GRM7: variants seen among roughly 807,000 people sequenced by gnomAD.
GRM7 encodes the protein metabotropic glutamate receptor 7.
In GRM7, 35 loss-of-function variants were observed where a neutral mutation model predicts 84.5. The ratio of observed to expected loss-of-function variants is 0.41; its 90% confidence interval spans 0.32 to 0.55. The LOEUF (loss-of-function observed/expected upper bound fraction) is 0.55, where lower values mean the gene tolerates loss of function less well. GRM7 is among the 20% of genes least tolerant of loss of function. The pLI is 0.19. For synonymous variants in GRM7, 487 were observed against 455.1 expected (o/e 1.07, Z -0.89); for missense variants, 1,003 against 1,194.6 (o/e 0.84, Z 2.36).
At chr3:7,332,443 C>A (rs1035550355) in intron 4 of GRM7, among the ~76,000 whole-genome samples, 1 of 152,118 alleles carries the variant, frequency 6.6e-6, no homozygotes, top group Non-Finnish European at 1.5e-5. Flanking sequence ...CATATCAAAT[C>A]GTTTTTCCAA....
At chr3:7,147,204 C>A (rs570890964) in intron 2 of GRM7, among the ~76,000 whole-genome samples, 1 of 152,162 alleles carries the variant, frequency 6.6e-6, no homozygotes, top group Non-Finnish European at 1.5e-5. Flanking sequence ...TGAGAGAGTT[C>A]TCTTCAGCAG....
chr3:7,367,882 C>T (rs537600274), intron 4 of GRM7, among the ~76,000 whole-genome samples: 1 of 150,840 alleles, frequency 6.6e-6, no homozygotes, highest in East Asian at 2.0e-4. Flanking sequence ...ACATTCTTCC[C>T]TTTGCCATAA....
In GRM7 at chr3:7,184,084, A is replaced by G. The variant is rs150907040; in HGVS notation, c.736+37416A>G. On this transcript the variant is annotated intron_variant, in intron 2 of 9. Transcript: ENST00000357716. The stretch of plus-strand genomic sequence containing the variant: ...CTTTAGTCTTATGACAAGGAGGAGG[A>G]TGATTAAAGAGAAAAAGAGAGTGTG... Among the ~76,000 whole-genome samples, 890 of 152,248 alleles carry G rather than the reference A, an allele frequency of 5.8e-3. 3 individuals carry two copies. The highest frequency in any genetic ancestry group is 0.02 in the Middle Eastern group (6 of 294).
chr3:7,101,775 AATAT>A (rs906861421), intron 1 of GRM7, among the ~76,000 whole-genome samples: 1 of 147,596 alleles, frequency 6.8e-6, no homozygotes, highest in Non-Finnish European at 1.5e-5. Context: ...AATTAATTAA[AATAT>A]ATAAATATAT....
intron 1 of GRM7, among the ~76,000 whole-genome samples, chr3:6,966,715 T>C (rs1693534604): frequency 6.6e-6 from 1 of 152,198 alleles, no homozygotes; most frequent in African/African-American, 2.4e-5. Context: ...GATGGTGGCT[T>C]AAAGTCAGAT....
intron 4 of GRM7, among the ~76,000 whole-genome samples, chr3:7,350,339 G>A (rs923813042): frequency 1.6e-4 from 24 of 151,964 alleles, no homozygotes; most frequent in African/African-American, 5.3e-4. Context: ...CATGATGGTG[G>A]TTTCTCATGA....
chr3:7,525,216 GTAA>G (rs1700747339), intron 7 of GRM7, among the ~76,000 whole-genome samples: 4 of 151,934 alleles, frequency 2.6e-5, no homozygotes, highest in African/African-American at 9.7e-5. Flanking sequence ...GTATACATAT[GTAA>G]CTAACCTGGA....
At position 7,703,560 on chromosome 3, in the gene GRM7, GATTTT is replaced by G. The variant is rs1298107290; in HGVS notation, c.2698+23272_2698+23276del. ...TACAGGGGATCTTAGGGTTATTAAA[GATTTT>G]ATTTTAATTGTGCCAATCTAAAAAT... On this transcript the variant is annotated intron_variant, in intron 9 of 9. Coordinates refer to ENST00000357716, the MANE Select transcript of GRM7 (RefSeq NM_000844.4). 2.6e-5 allele frequency among the ~76,000 whole-genome samples: 4 copies of G among 151,992 alleles called. No homozygotes were observed. The South Asian group carries it at 6.2e-4, about 24-fold the overall frequency.
intron 4 of GRM7, among the ~76,000 whole-genome samples, chr3:7,360,869 C>CT (rs529630551): frequency 2.6e-5 from 4 of 152,178 alleles, no homozygotes; most frequent in Middle Eastern, 3.4e-3. Context: ...CCTTTATTCT[C>CT]TTTTTTTCCT....
intron 1 of GRM7, among the ~76,000 whole-genome samples, chr3:6,981,858 T>C (rs1694219678): frequency 6.6e-6 from 1 of 152,150 alleles, no homozygotes; most frequent in African/African-American, 2.4e-5. Context: ...GGTGGGAATG[T>C]AAATTAGTTC....
chr3:6,987,399 C>CA (rs55694959), intron 1 of GRM7, among the ~76,000 whole-genome samples: 4,402 of 128,958 alleles, frequency 0.034, 145 homozygotes, highest in African/African-American at 0.086. Flanking sequence ...TGCTGAAGGA[C>CA]AAAAAAAAAA....
intron 1 of GRM7, among the ~76,000 whole-genome samples, chr3:7,127,950 G>A (rs1308432761): frequency 6.6e-6 from 1 of 152,012 alleles, no homozygotes; most frequent in Non-Finnish European, 1.5e-5. Flanking sequence ...CTTTTCTGTG[G>A]CATAATAGTG....
At chr3:7,432,960 A>G (rs1408241150) in intron 5 of GRM7, among the ~76,000 whole-genome samples, 1 of 152,232 alleles carries the variant, frequency 6.6e-6, no homozygotes, top group Non-Finnish European at 1.5e-5. Flanking sequence ...TTATAAACAG[A>G]TAATGACTGA....
At chr3:7,711,543 T>C (rs332938) in intron 9 of GRM7, among the ~76,000 whole-genome samples, 65,193 of 151,936 alleles carry the variant, frequency 0.43, 16,622 homozygotes, top group Non-Finnish European at 0.59. Flanking sequence ...GCCATTGGAG[T>C]CTCGTAATCA....
In GRM7 at chr3:7,631,078, G is replaced by A. The variant is rs550066722; in HGVS notation, c.2452-48971G>A. ...CCTAGCAGACTGCTTGCCAAACACC[G>A]TGGCCGCAGGGTCAAAGAACATTTG... On this transcript the variant is annotated intron_variant, in intron 8 of 9. Coordinates refer to ENST00000357716, the MANE Select transcript of GRM7 (RefSeq NM_000844.4). Among the ~76,000 whole-genome samples, 17 of 152,288 alleles carry A rather than the reference G, an allele frequency of 1.1e-4. No individual in the cohort carries two copies. The East Asian group carries it at 1.4e-3, about 12-fold the overall frequency.
At chr3:7,421,483 T>C (rs1056441943) in intron 5 of GRM7, among the ~76,000 whole-genome samples, 1 of 152,244 alleles carries the variant, frequency 6.6e-6, no homozygotes, top group Admixed American at 6.5e-5. Context: ...TCAATCTTTT[T>C]AAAACCCCTT....
At chr3:7,192,513 CT>C (rs1369304651) in intron 2 of GRM7, among the ~76,000 whole-genome samples, 1 of 152,120 alleles carries the variant, frequency 6.6e-6, no homozygotes, top group Non-Finnish European at 1.5e-5. Flanking sequence ...CTTCAACTTG[CT>C]GTTCTTATAC....
intron 2 of GRM7, among the ~76,000 whole-genome samples, chr3:7,286,499 A>G (rs928259762): frequency 2.6e-5 from 4 of 152,172 alleles, no homozygotes; most frequent in African/African-American, 9.6e-5. Context: ...TTTTATTTTT[A>G]TGCATAGAAC....
intron 2 of GRM7, among the ~76,000 whole-genome samples, chr3:7,147,163 G>A (rs919942004): frequency 2.0e-5 from 3 of 152,182 alleles, no homozygotes; most frequent in African/African-American, 7.2e-5. Context: ...AATGTATTTA[G>A]ACAAACAGTC....
Sources: allele counts gnomAD v4.1 joint callset (sites outside exome capture counted in the v4.1 genomes callset), GRCh38; gene constraint gnomAD v4.1.1; transcripts MANE v1.5; gene names NCBI Gene and HGNC (gene_info 2026-07-23, HGNC 2026-07-21).